The following FOXN4 variants were observed in gnomAD, a reference collection of about 807,000 sequenced individuals.
The protein encoded by FOXN4 is forkhead box protein N4.
A neutral mutation model predicts 45.0 loss-of-function variants in FOXN4; 12 were observed. That is an observed-to-expected ratio of 0.27 (90% CI 0.17 to 0.43). FOXN4 has a LOEUF of 0.43. Among genes scored for constraint, FOXN4 ranks in the 20% least tolerant of loss-of-function variants. The probability of loss-of-function intolerance (pLI) is 1.00; values close to 1 mark genes in which losing one functional copy is unlikely to be tolerated. For missense variants in FOXN4, 560 were observed against 694.9 expected (o/e 0.81, Z 2.18); for synonymous variants, 297 against 295.0 (o/e 1.01, Z -0.07).
In FOXN4 at chr12:109,305,905, C is replaced by T. The variant is rs79439768; in HGVS notation, c.86+2331G>A. ...CCCCAACTCCTGACCCCTGCTAGCT[C>T]GGCAGTGGACTGGCTAGGCATTGCC... On this transcript the variant is annotated intron_variant, in intron 2 of 9. Transcript: ENST00000299162. 6.3e-3 allele frequency among the ~76,000 whole-genome samples: 960 copies of T among 152,208 alleles called. 1 individual carries two copies. Among genetic ancestry groups the T allele is most frequent in the Non-Finnish European group, 9.4e-3 (641 of 68,012 alleles).
chr12:109,286,681 G>T lies in FOXN4; in HGVS notation c.660C>A (p.Tyr220Ter). 1 of 1,610,294 alleles carries T rather than the reference G, an allele frequency of 6.2e-7. No homozygotes were observed. The change falls in exon 7 of 10, where the codon TAC (tyrosine) becomes TAA (stop). Residue 220 changes from tyrosine to a stop codon, truncating the protein, a stop_gained. Transcript: ENST00000299162. LOFTEE classifies it high-confidence loss of function. Reference sequence around the variant, plus strand: ...AGGGGAAGTGCTCCTTCATGAAGCTGTAGATCTCGCTCACAGGCAGGCTGC... The same window carrying T: ...AGGGGAAGTGCTCCTTCATGAAGCTTTAGATCTCGCTCACAGGCAGGCTGC... ...KTGSLPVSEIYSFMKEHFPYF... is the reference protein window; with the variant it reads ...KTGSLPVSEI
At chr12:109,308,177 G>T in intron 2 of FOXN4, 59 bp downstream of exon 2, 1 of 1,341,004 alleles carries the variant, frequency 7.5e-7, no homozygotes, top group Non-Finnish European at 1.0e-6. Context: ...ACCATAAACA[G>T]CATACAAACA....
At chr12:109,286,404 GC>G (rs2047710503) in intron 7 of FOXN4, among the ~76,000 whole-genome samples, 1 of 152,156 alleles carries the variant, frequency 6.6e-6, no homozygotes, top group Non-Finnish European at 1.5e-5. Context: ...CTAGTCTGGT[GC>G]CTCTACCCTT....
chr12:109,290,320 G>T lies in FOXN4; in HGVS notation c.87-34C>A. The T allele has an allele frequency of 2.0e-6, 3 of 1,517,400 alleles. No individual in the cohort carries two copies. Among genetic ancestry groups the T allele is most frequent in the Non-Finnish European group, 2.7e-6 (3 of 1,127,498 alleles). The allele number at this position is 1,517,400 out of a possible 1,614,324, so 94.0% of individuals were successfully genotyped here. A position where few individuals can be genotyped will look rare whatever the true frequency, so the allele number is the denominator to read the frequency against. On this transcript the variant is annotated intron_variant, in intron 2 of 9. Transcript: ENST00000299162. The surrounding 1 kb of genome is among the most constrained non-coding windows in gnomAD (Gnocchi z 5.1). ...AGGAACAGAGAACTCGGGCGGGAGG[G>T]GGAGCTTAGGCCAGCTCCTGGGGGT...
chr12:109,287,420 G>A lies in FOXN4; in HGVS notation c.573C>T (p.Tyr191=). 1.3e-6 allele frequency: 2 copies of A among 1,551,616 alleles called. No homozygotes were observed. The highest frequency in any genetic ancestry group is 1.7e-6 in the Non-Finnish European group (2 of 1,146,928). Residue 191 remains tyrosine, a synonymous_variant, in exon 6 of 10, where the codon TAC becomes TAT. Transcript: ENST00000299162. The surrounding 1 kb of genome is among the most constrained non-coding windows in gnomAD (Gnocchi z 4.1). ...HSSQELHPKH[Y]PKPIYSYSCL... ...ACCTGTACGAGTAGATGGGCTTGGG[G>A]TAGTGTTTGGGGTGCAGTTCTTGAG... is the stretch of plus-strand genomic sequence containing the variant.
intron 2 of FOXN4, among the ~76,000 whole-genome samples, chr12:109,292,361 G>A (rs1477563751): frequency 6.6e-6 from 1 of 152,152 alleles, no homozygotes; most frequent in East Asian, 1.9e-4. Context: ...GTGCCACTGT[G>A]GGGCAGGATC....
intron 7 of FOXN4, 66 bp downstream of exon 7, chr12:109,286,582 G>A: frequency 6.6e-7 from 1 of 1,518,482 alleles, no homozygotes; most frequent in Middle Eastern, 1.7e-4. Flanking sequence ...GGCCAGCCCT[G>A]GATTCTGGCA....
intron 2 of FOXN4, among the ~76,000 whole-genome samples, chr12:109,293,000 C>A (rs2136932273): frequency 6.6e-6 from 1 of 152,290 alleles, no homozygotes; most frequent in African/African-American, 2.4e-5. Flanking sequence ...TGCAGCCCCA[C>A]TCCTTCTGCA....
chr12:109,304,392 A>C (rs1226483945), intron 2 of FOXN4, among the ~76,000 whole-genome samples: 1 of 152,218 alleles, frequency 6.6e-6, no homozygotes, highest in East Asian at 1.9e-4. Flanking sequence ...CCTGGCACAC[A>C]GTAGATACTT....
Position 109,279,586 on chromosome 12 carries a change from G to T in FOXN4, c.*85C>A, listed in dbSNP as rs1011333905. On this transcript the variant is annotated 3_prime_UTR_variant, in exon 10 of 10. Coordinates refer to ENST00000299162, the MANE Select transcript of FOXN4 (RefSeq NM_213596.3). ...AGGAGAGGCTTCGGGGACAATGAGG[G>T]ACCTGCCTTCTGGGAACACCCTGTT... 14 of 1,522,698 alleles carry T rather than the reference G, an allele frequency of 9.2e-6. No individual in the cohort carries two copies. Among genetic ancestry groups the T allele is most frequent in the African/African-American group, 2.8e-5 (2 of 72,524 alleles). The allele number at this position is 1,522,698 out of a possible 1,614,324, so 94.3% of individuals were successfully genotyped here. A position where few individuals can be genotyped will look rare whatever the true frequency, so the allele number is the denominator to read the frequency against.
At chr12:109,304,235 GAAAGAAAGAA>G (rs1342362811) in intron 2 of FOXN4, among the ~76,000 whole-genome samples, 1 of 44,536 alleles carries the variant, frequency 2.2e-5, no homozygotes, top group African/African-American at 9.5e-5. Flanking sequence ...AAGAAAGAAA[GAAAGAAAGAA>G]AGAAAGAAAG....
chr12:109,301,675 CCTAT>C (rs775204356), intron 2 of FOXN4, among the ~76,000 whole-genome samples: 34 of 152,110 alleles, frequency 2.2e-4, no homozygotes, highest in Non-Finnish European at 4.4e-5. Context: ...CCAGGCCCTC[CCTAT>C]CTCTTCCTGT....
intron 8 of FOXN4, among the ~76,000 whole-genome samples, chr12:109,284,912 T>TTGTG (rs1202470908): frequency 4.1e-5 from 4 of 98,120 alleles, no homozygotes; most frequent in African/African-American, 8.1e-5. Flanking sequence ...GTGTGTGCAT[T>TTGTG]TGTGTGTGTG....
intron 2 of FOXN4, among the ~76,000 whole-genome samples, chr12:109,299,109 G>A (rs2047844874): frequency 6.6e-6 from 1 of 152,084 alleles, no homozygotes; most frequent in South Asian, 2.1e-4. Flanking sequence ...TGGGTGATCT[G>A]TCACCCACAG....
Position 109,285,398 on chromosome 12 carries a change from A to C in FOXN4, c.807T>G (p.Ala269=). 6.2e-7 allele frequency: 1 copy of C among 1,613,970 alleles called. No homozygotes were observed. Among genetic ancestry groups the C allele is most frequent in the Non-Finnish European group, 8.5e-7 (1 of 1,179,874 alleles). The change falls in exon 8 of 10, where the codon GCT becomes GCG. Residue 269 remains alanine, a synonymous_variant. Transcript: ENST00000299162. ...SGSSRKGCLW[A]LNLARIDKME... is the part of the protein sequence containing the mutation. ...TCTTGTCGATGCGGGCCAGGTTCAGAGCCCACAGGCAGCCCTTGCGGGAGG... is the reference window on the plus strand; with the variant it reads ...TCTTGTCGATGCGGGCCAGGTTCAGCGCCCACAGGCAGCCCTTGCGGGAGG...
chr12:109,284,718 C>T lies in FOXN4; in HGVS notation c.901+586G>A, dbSNP rs114423445. Among the ~76,000 whole-genome samples, 449 of 147,122 alleles carry T rather than the reference C, an allele frequency of 3.1e-3. 1 individual carries two copies. The highest frequency in any genetic ancestry group is 0.011 in the African/African-American group (417 of 39,622). On this transcript the variant is annotated intron_variant, in intron 8 of 9. Transcript: ENST00000299162. Reference sequence around the variant, plus strand: ...GGCCTCACCGGGGTTGGCTACGCTCCGGTGGATGGCGGCCAGGTCCTTCCT... The same window carrying T: ...GGCCTCACCGGGGTTGGCTACGCTCTGGTGGATGGCGGCCAGGTCCTTCCT...
intron 2 of FOXN4, among the ~76,000 whole-genome samples, chr12:109,293,600 C>T (rs1046095073): frequency 8.5e-5 from 13 of 152,192 alleles, no homozygotes; most frequent in African/African-American, 2.4e-4. Flanking sequence ...TGAGTTCAAG[C>T]GATTCTCCTG....
chr12:109,280,211 C>T (rs571969731), intron 9 of FOXN4, among the ~76,000 whole-genome samples: 18 of 152,134 alleles, frequency 1.2e-4, no homozygotes, highest in Non-Finnish European at 2.2e-4. Flanking sequence ...GGGCTGGTAG[C>T]GCACACCTGT....
chr12:109,303,207 T>C (rs774427430), intron 2 of FOXN4, among the ~76,000 whole-genome samples: 5 of 151,970 alleles, frequency 3.3e-5, no homozygotes, highest in African/African-American at 4.8e-5. Flanking sequence ...CTCTCTTCCT[T>C]GCCCATAAGG....
Sources: gnomAD v4.1 joint callset for allele counts (sites outside exome capture counted in the v4.1 genomes callset) on GRCh38, gnomAD v4.1.1 for gene constraint, Gnocchi (gnomAD v3.1) non-coding constraint, MANE v1.5 for transcripts, NCBI Gene and HGNC (gene_info 2026-07-23, HGNC 2026-07-21) for gene names.